The following TESK1 variants were observed in gnomAD, a reference collection of about 807,000 sequenced individuals.
The protein encoded by TESK1 is testis associated actin remodelling kinase 1.
A neutral mutation model predicts 59.9 loss-of-function variants in TESK1; 18 were observed. The observed-to-expected ratio is 0.30, with a 90% CI of 0.21 to 0.45. The LOEUF (loss-of-function observed/expected upper bound fraction) is 0.45. Among genes scored for constraint, TESK1 ranks in the 20% least tolerant of loss-of-function variants. The pLI, the probability that TESK1 is intolerant of heterozygous loss-of-function variation, is 1.00. For synonymous variants in TESK1, 341 were observed against 357.4 expected (o/e 0.95, Z 0.52); for missense variants, 748 against 840.9 (o/e 0.89, Z 1.37).
chr9:35,605,761 G>T lies in TESK1; in HGVS notation c.142G>T (p.Val48Leu). 2 of 1,608,940 alleles carry T rather than the reference G, an allele frequency of 1.2e-6. No homozygotes were observed. The highest frequency in any genetic ancestry group is 2.2e-5 in the South Asian group (2 of 90,506). The change falls in exon 1 of 10, where the codon GTG becomes TTG. Residue 48 changes from valine (V) to leucine (L), a missense_variant. Coordinates refer to ENST00000336395, the MANE Select transcript of TESK1 (RefSeq NM_006285.3). ...PSSYRALRSA[V>L]SSLARVDDFH... ...CTCCTACCGGGCTCTCCGCAGCGCC[G>T]TGTCTAGCCTGGCGCGTGTGGACGA...
chr9:35,608,145 C>CT lies in TESK1; in HGVS notation c.796-13dup. 1 of 1,613,902 alleles carries CT rather than the reference C, an allele frequency of 6.2e-7. No individual in the cohort carries two copies. Among genetic ancestry groups the CT allele is most frequent in the Non-Finnish European group, 8.5e-7 (1 of 1,179,806 alleles). On this transcript the variant is annotated splice_polypyrimidine_tract_variant and intron_variant, in intron 7 of 9. Coordinates refer to ENST00000336395, the MANE Select transcript of TESK1 (RefSeq NM_006285.3). ...AGAAAAGCTGACTTGGAGGTCCCTCCTTCTGTCCCCACAGGACTTTGGCCT... is the reference window on the plus strand; with the variant it reads ...AGAAAAGCTGACTTGGAGGTCCCTCCTTTCTGTCCCCACAGGACTTTGGCCT...
chr9:35,609,196 C>A lies in TESK1; in HGVS notation c.1335C>A (p.Pro445=). 1 of 1,613,930 alleles carries A rather than the reference C, an allele frequency of 6.2e-7. No individual in the cohort carries two copies. Among genetic ancestry groups the A allele is most frequent in the Non-Finnish European group, 8.5e-7 (1 of 1,180,046 alleles). The change falls in exon 10 of 10, where the codon CCC becomes CCA. Residue 445 remains proline (P), a synonymous_variant. Transcript: ENST00000336395. This position sits in a 1 kb window ranked among gnomAD's most constrained non-coding sequence, Gnocchi z 6.7. ...CRSLPSSPEL[P]RRMETALPGP... is the part of the protein sequence containing the mutation. ...CACTACCCTCATCCCCCGAGCTCCCCCGCCGTATGGAGACAGCACTGCCAG... is the reference window on the plus strand; with the variant it reads ...CACTACCCTCATCCCCCGAGCTCCCACGCCGTATGGAGACAGCACTGCCAG...
Position 35,609,376 on chromosome 9 carries a change from C to T in TESK1, c.1515C>T (p.Pro505=), listed in dbSNP as rs1479313590. ...FISTCSSASQ[P]WSPRSGPVLN... is the part of the protein sequence containing the mutation. ...GCACCTGTTCCTCGGCCTCCCAACCCTGGTCCCCTAGATCAGGACCCGTCC... is the reference window on the plus strand; with the variant it reads ...GCACCTGTTCCTCGGCCTCCCAACCTTGGTCCCCTAGATCAGGACCCGTCC... The change falls in exon 10 of 10, where the codon CCC becomes CCT. Residue 505 remains proline, a synonymous_variant. Transcript: ENST00000336395. The surrounding 1 kb of genome is among the most constrained non-coding windows in gnomAD (Gnocchi z 6.7). The T allele has an allele frequency of 6.2e-7, 1 of 1,611,768 alleles. No homozygotes were observed. Among genetic ancestry groups the T allele is most frequent in the Non-Finnish European group, 8.5e-7 (1 of 1,179,052 alleles).
At position 35,607,965 on chromosome 9, in the gene TESK1, T is replaced by C; in HGVS notation, c.749T>C (p.Leu250Pro). ...GCCTTCGGGATTGTCCTCTGTGAGC[T>C]CATCGCCCGAGTACCTGCAGACCCT... ...VFAFGIVLCELIARVPADPDY... is the reference protein window; with the variant it reads ...VFAFGIVLCEPIARVPADPDY... Residue 250 changes from leucine (L) to proline (P), a missense_variant, in exon 7 of 10, where the codon CTC (leucine) becomes CCC (proline). Around this residue, in one of 3 missense-constraint regions of TESK1, gnomAD observed 168 missense variants for 257.4 expected, o/e 0.65. Coordinates refer to ENST00000336395, the MANE Select transcript of TESK1 (RefSeq NM_006285.3). The surrounding 1 kb of genome is among the most constrained non-coding windows in gnomAD (Gnocchi z 4.5). 6.2e-7 allele frequency: 1 copy of C among 1,614,204 alleles called. No individual in the cohort carries two copies. The highest frequency in any genetic ancestry group is 8.5e-7 in the Non-Finnish European group (1 of 1,180,034).
At chr9:35,606,701 A>AG (rs1822855654) in intron 3 of TESK1, 136 bp from the exon 4 acceptor site, 1 of 744,188 alleles carries the variant, frequency 1.3e-6, no homozygotes, top group Non-Finnish European at 2.1e-6. Flanking sequence ...TAGAACATGG[A>AG]TGGGGGGGGT....
Position 35,607,000 on chromosome 9 carries a change from G to C in TESK1, c.537+17G>C. ...ACATCCAAGGTAGGCTAGCAGGGTGGGTGGAGACATGAAAGAGGGTTTGAG... is the reference window on the plus strand; with the variant it reads ...ACATCCAAGGTAGGCTAGCAGGGTGCGTGGAGACATGAAAGAGGGTTTGAG... On this transcript the variant is annotated intron_variant, in intron 4 of 9. Coordinates refer to ENST00000336395, the MANE Select transcript of TESK1 (RefSeq NM_006285.3). 2 of 1,568,942 alleles carry C rather than the reference G, an allele frequency of 1.3e-6. No individual in the cohort carries two copies. The highest frequency in any genetic ancestry group is 1.7e-4 in the Middle Eastern group (1 of 5,870).
rs1284952850 is a variant in TESK1, at chr9:35,609,433, C to A, written c.1572C>A (p.Asn524Lys). The A allele has an allele frequency of 1.2e-6, 2 of 1,609,050 alleles. No individual in the cohort carries two copies. The highest frequency in any genetic ancestry group is 1.7e-6 in the Non-Finnish European group (2 of 1,177,420). Residue 524 changes from asparagine to lysine, a missense_variant, in exon 10 of 10, where the codon AAC (asparagine) becomes AAA (lysine). This residue lies in a region of TESK1 where 447 missense variants were observed against 466.1 expected (regional missense o/e 0.96). Coordinates refer to ENST00000336395, the MANE Select transcript of TESK1 (RefSeq NM_006285.3). The surrounding 1 kb of genome is among the most constrained non-coding windows in gnomAD (Gnocchi z 6.7). Reference protein sequence around the residue: ...LNNNPPAVVVNSPQGWAGEPW... With the variant: ...LNNNPPAVVVKSPQGWAGEPW... ...ACAATCCCCCAGCTGTGGTGGTGAA[C>A]TCCCCACAAGGCTGGGCTGGGGAGC...
intron 2 of TESK1, 26 bp from the exon 3 acceptor site, chr9:35,606,211 C>A: frequency 6.2e-7 from 1 of 1,614,140 alleles, no homozygotes; most frequent in Non-Finnish European, 8.5e-7. Flanking sequence ...ATAGCCTATC[C>A]TTCTATCTTC....
Position 35,609,402 on chromosome 9 carries a change from T to C in TESK1, c.1541T>C (p.Leu514Pro), listed in dbSNP as rs867863847. The C allele has an allele frequency of 6.2e-7, 1 of 1,608,838 alleles. No individual in the cohort carries two copies. Among genetic ancestry groups the C allele is most frequent in the East Asian group, 2.2e-5 (1 of 44,788 alleles). ...TGGTCCCCTAGATCAGGACCCGTCC[T>C]CAATAACAATCCCCCAGCTGTGGTG... ...QPWSPRSGPV[L>P]NNNPPAVVVN... The change falls in exon 10 of 10, where the codon CTC becomes CCC. Residue 514 changes from leucine (L) to proline (P), a missense_variant. By Grantham distance (98) the Leu-to-Pro change is moderately conservative. This residue lies in a region of TESK1 where 447 missense variants were observed against 466.1 expected (regional missense o/e 0.96). Transcript: ENST00000336395. This position sits in a 1 kb window ranked among gnomAD's most constrained non-coding sequence, Gnocchi z 6.7.
At position 35,608,852 on chromosome 9, in the gene TESK1, C is replaced by CT; in HGVS notation, c.1001-9dup. The CT allele has an allele frequency of 6.4e-7, 1 of 1,563,792 alleles. No homozygotes were observed. Among genetic ancestry groups the CT allele is most frequent in the South Asian group, 1.2e-5 (1 of 82,366 alleles). ...CTGAGGACAGTGATTCCAGACTTCT[C>CT]TATCTACAGGCTCTGTTGCAAGAGG... On this transcript the variant is annotated splice_polypyrimidine_tract_variant and intron_variant, in intron 9 of 9. Coordinates refer to ENST00000336395, the MANE Select transcript of TESK1 (RefSeq NM_006285.3).
chr9:35,606,875 C>T lies in TESK1; in HGVS notation c.429C>T (p.Ser143=), dbSNP rs1488369215. Residue 143 remains serine (S), a synonymous_variant, in exon 4 of 10, where the codon TCC becomes TCT. Coordinates refer to ENST00000336395, the MANE Select transcript of TESK1 (RefSeq NM_006285.3). ...NGGTLEQLLS[S]PEPLSWPVRL... Reference sequence around the variant, plus strand: ...GGACATTGGAACAGCTGCTCAGCTCCCCTGAACCCCTGTCCTGGCCGGTCA... The same window carrying T: ...GGACATTGGAACAGCTGCTCAGCTCTCCTGAACCCCTGTCCTGGCCGGTCA... The T allele has an allele frequency of 5.0e-6, 8 of 1,613,260 alleles. No individual in the cohort carries two copies. Among genetic ancestry groups the T allele is most frequent in the Non-Finnish European group, 5.9e-6 (7 of 1,179,630 alleles).
In TESK1 at chr9:35,608,975, G is replaced by T. The variant is rs1822912117; in HGVS notation, c.1114G>T (p.Gly372Trp). 1 of 1,614,054 alleles carries T rather than the reference G, an allele frequency of 6.2e-7. No individual in the cohort carries two copies. Residue 372 changes from glycine (G) to tryptophan (W), a missense_variant, in exon 10 of 10, where the codon GGG (glycine) becomes TGG (tryptophan). Physicochemically the swap from Gly to Trp is radical, Grantham distance 184. Around this residue, in one of 3 missense-constraint regions of TESK1, gnomAD observed 447 missense variants for 466.1 expected, o/e 0.96. Transcript: ENST00000336395. ...ATCACCAGAATCACCCCCCAACTGG[G>T]GGGACAATCTGACTCGAGTCAACCC... is the stretch of plus-strand genomic sequence containing the variant. ...PPSPESPPNW[G>W]DNLTRVNPFS...
At position 35,609,414 on chromosome 9, in the gene TESK1, C is replaced by A; in HGVS notation, c.1553C>A (p.Pro518His). The change falls in exon 10 of 10, where the codon CCC (proline) becomes CAC (histidine). Residue 518 changes from proline (P) to histidine (H), a missense_variant. By Grantham distance (77) the Pro-to-His change is moderately conservative. Coordinates refer to ENST00000336395, the MANE Select transcript of TESK1 (RefSeq NM_006285.3). The surrounding 1 kb of genome is among the most constrained non-coding windows in gnomAD (Gnocchi z 6.7). ...PRSGPVLNNNPPAVVVNSPQG... is the reference protein window; with the variant it reads ...PRSGPVLNNNHPAVVVNSPQG... ...TCAGGACCCGTCCTCAATAACAATC[C>A]CCCAGCTGTGGTGGTGAACTCCCCA... 6.2e-7 allele frequency: 1 copy of A among 1,608,840 alleles called. No individual in the cohort carries two copies. The highest frequency in any genetic ancestry group is 8.5e-7 in the Non-Finnish European group (1 of 1,177,232).
chr9:35,608,620 G>A, intron 9 of TESK1, 111 bp downstream of exon 9: 5 of 1,084,790 alleles, frequency 4.6e-6, no homozygotes, highest in Non-Finnish European at 6.7e-6. Flanking sequence ...AAAGGCTGGG[G>A]GTCGGGCTGG....
Position 35,607,089 on chromosome 9 carries a change from G to C in TESK1, c.537+106G>C. The C allele has an allele frequency of 7.0e-7, 1 of 1,435,384 alleles. No homozygotes were observed. The highest frequency in any genetic ancestry group is 9.3e-7 in the Non-Finnish European group (1 of 1,075,614). The allele number at this position is 1,435,384 out of a possible 1,614,324, so 88.9% of individuals were successfully genotyped here. On this transcript the variant is annotated intron_variant, in intron 4 of 9. Coordinates refer to ENST00000336395, the MANE Select transcript of TESK1 (RefSeq NM_006285.3). The surrounding 1 kb of genome is among the most constrained non-coding windows in gnomAD (Gnocchi z 4.5). ...GGATAACAGATATATTAGGATGTTG[G>C]AGTGGCAAGGCATTGGAGAATATTG...
In TESK1 at chr9:35,608,478, A is replaced by G; in HGVS notation, c.969A>G (p.Pro323=). 6.2e-7 allele frequency: 1 copy of G among 1,613,942 alleles called. No individual in the cohort carries two copies. The highest frequency in any genetic ancestry group is 8.5e-7 in the Non-Finnish European group (1 of 1,179,966). The part of the protein sequence containing the change: ...WILEQLPEPA[P]LTRTALTHNQ... ...TGGAGCAGCTGCCTGAGCCAGCCCC[A>G]CTCACCAGGACCGCCCTGACACACA... Residue 323 remains proline, a synonymous_variant, in exon 9 of 10, where the codon CCA becomes CCG. Transcript: ENST00000336395.
rs776339675 is a variant in TESK1 at position 35,608,409 on chromosome 9, C to G, written c.900C>G (p.Thr300=). The change falls in exon 9 of 10, where the codon ACC becomes ACG. Residue 300 remains threonine, a synonymous_variant. Coordinates refer to ENST00000336395, the MANE Select transcript of TESK1 (RefSeq NM_006285.3). The part of the protein sequence containing the change: ...AIHCCNLEPS[T]RAPFTEITQH... ...CTACCCATCAGCTGGAACCCAGCAC[C>G]CGTGCCCCCTTCACCGAAATTACCC... 4.3e-6 allele frequency: 7 copies of G among 1,614,154 alleles called. No homozygotes were observed. Among genetic ancestry groups the G allele is most frequent in the Non-Finnish European group, 5.9e-6 (7 of 1,180,026 alleles).
Position 35,609,898 on chromosome 9 carries a change from T to G in TESK1, c.*156T>G. 1.1e-6 allele frequency: 1 copy of G among 876,912 alleles called. No individual in the cohort carries two copies. The highest frequency in any genetic ancestry group is 1.7e-6 in the Non-Finnish European group (1 of 603,868). The allele number at this position is 876,912 out of a possible 1,614,324, so 54.3% of individuals were successfully genotyped here. A position where few individuals can be genotyped will look rare whatever the true frequency, so the allele number is the denominator to read the frequency against. On this transcript the variant is annotated 3_prime_UTR_variant, in exon 10 of 10. Transcript: ENST00000336395. This position sits in a 1 kb window ranked among gnomAD's most constrained non-coding sequence, Gnocchi z 6.7. ...GCATGGACTCAAGGGACAGAGCACTTCCAGTCGACCCCCCGGCTCGCGTTC... is the reference window on the plus strand; with the variant it reads ...GCATGGACTCAAGGGACAGAGCACTGCCAGTCGACCCCCCGGCTCGCGTTC...
At chr9:35,605,859 A>G (rs752311621) in intron 1 of TESK1, 21 bp downstream of exon 1, 18 of 1,608,970 alleles carry the variant, frequency 1.1e-5, no homozygotes, top group South Asian at 3.3e-5. Context: ...CCGAGAGGGC[A>G]GAGGGGCGGG....
Sources: gnomAD v4.1 joint callset for allele counts on GRCh38, gnomAD v4.1.1 for gene constraint, gnomAD v4.1.1 regional missense constraint, Gnocchi (gnomAD v3.1) non-coding constraint, MANE v1.5 for transcripts, NCBI Gene and HGNC (gene_info 2026-07-23, HGNC 2026-07-21) for gene names.